The following SLAIN2 variants were observed in gnomAD, a reference collection of about 807,000 sequenced individuals.
SLAIN2 encodes SLAIN family member 2.
A neutral mutation model predicts 56.6 loss-of-function variants in SLAIN2; 31 were observed. The ratio of observed to expected loss-of-function variants is 0.55; its 90% confidence interval spans 0.41 to 0.74. The LOEUF is 0.74. SLAIN2 is among the 30% of genes least tolerant of loss of function. The pLI is 0.00. For missense variants in SLAIN2, 777 were observed against 754.2 expected (o/e 1.03, Z -0.35); for synonymous variants, 317 against 284.9 (o/e 1.11, Z -1.13).
chr4:48,420,610 A>G lies in SLAIN2; in HGVS notation c.1679+167A>G, dbSNP rs1279634940. ...AACTTTACTACATTGTTTTTAAGAAATCCTCATTTGGGACTTTTACCAGTT... is the reference window on the plus strand; with the variant it reads ...AACTTTACTACATTGTTTTTAAGAAGTCCTCATTTGGGACTTTTACCAGTT... On this transcript the variant is annotated intron_variant, in intron 7 of 7. Transcript: ENST00000264313. 10 of 828,522 alleles carry G rather than the reference A, an allele frequency of 1.2e-5. No homozygotes were observed. The South Asian group carries it at 1.3e-4, about 11-fold the overall frequency. 51.3% of individuals were successfully genotyped at this position (828,522 alleles called of 1,614,324 possible).
intron 6 of SLAIN2, among the ~76,000 whole-genome samples, chr4:48,407,484 T>C (rs1716728365): frequency 6.6e-6 from 1 of 152,200 alleles, no homozygotes; most frequent in African/African-American, 2.4e-5. Flanking sequence ...GAAGAGTTAC[T>C]CTACTCCTTA....
rs554100833 is a variant in SLAIN2 at position 48,425,959 on chromosome 4, A to T, written c.*3882A>T. 1 of 152,314 alleles carries T rather than the reference A, an allele frequency of 6.6e-6. No individual in the cohort carries two copies. The highest frequency in any genetic ancestry group is 6.5e-5 in the Admixed American group (1 of 15,302). 9.4% of individuals were successfully genotyped at this position (152,314 alleles called of 1,614,324 possible). A position where few individuals can be genotyped will look rare whatever the true frequency, so the allele number is the denominator to read the frequency against. On this transcript the variant is annotated 3_prime_UTR_variant, in exon 8 of 8. Transcript: ENST00000264313. ...TAAGTCATCTTAATGTTTTCTCTTT[A>T]AAAGAAATAAAAAAATCTGTTTCTT...
chr4:48,367,631 G>A (rs1162965917), intron 1 of SLAIN2, among the ~76,000 whole-genome samples: 4 of 152,028 alleles, frequency 2.6e-5, no homozygotes, highest in African/African-American at 9.7e-5. Flanking sequence ...GGATTTGGGG[G>A]TGGGGGGGCA....
intron 4 of SLAIN2, 79 bp from the exon 5 acceptor site, chr4:48,382,489 A>T: frequency 7.4e-7 from 1 of 1,346,300 alleles, no homozygotes; most frequent in Non-Finnish European, 9.7e-7. Flanking sequence ...TTTTTCAGTG[A>T]TAATCTTTTA....
chr4:48,370,639 T>C (rs1212835281), intron 2 of SLAIN2, among the ~76,000 whole-genome samples: 2 of 152,266 alleles, frequency 1.3e-5, no homozygotes, highest in Non-Finnish European at 2.9e-5. Flanking sequence ...TTCACAAAGC[T>C]GACAAAATGT....
chr4:48,371,399 G>T (rs1715660791), intron 2 of SLAIN2, among the ~76,000 whole-genome samples: 1 of 152,060 alleles, frequency 6.6e-6, no homozygotes. Context: ...AAAAGCAATA[G>T]CCTTTATGTG....
intron 1 of SLAIN2, among the ~76,000 whole-genome samples, chr4:48,363,934 C>A (rs1234879868): frequency 4.0e-5 from 5 of 125,128 alleles, no homozygotes; most frequent in Admixed American, 7.5e-5. Context: ...CTGACCCCCC[C>A]ACCTCCCTCC....
intron 2 of SLAIN2, among the ~76,000 whole-genome samples, chr4:48,376,444 CTT>C (rs1715813065): frequency 9.8e-6 from 1 of 101,916 alleles, no homozygotes; most frequent in Admixed American, 1.2e-4. Flanking sequence ...GACAGCAAAA[CTT>C]TGTCTCAGAG....
At position 48,342,029 on chromosome 4, in the gene SLAIN2, T is replaced by G; in HGVS notation, c.290T>G (p.Leu97Trp). 1 of 1,407,866 alleles carries G rather than the reference T, an allele frequency of 7.1e-7. No homozygotes were observed. Among genetic ancestry groups the G allele is most frequent in the Non-Finnish European group, 9.2e-7 (1 of 1,086,612 alleles). 87.2% of individuals were successfully genotyped at this position (1,407,866 alleles called of 1,614,324 possible). A position where few individuals can be genotyped will look rare whatever the true frequency, so the allele number is the denominator to read the frequency against. Residue 97 changes from leucine to tryptophan, a missense_variant, in exon 1 of 8, where the codon TTG becomes TGG. Transcript: ENST00000264313. ...SSEELRDATS[L>W]LAAGEGGLLD... ...GAAGAGCTGCGGGACGCCACCTCCT[T>G]GCTAGCGGCGGGCGAGGGCGGCTTG...
chr4:48,354,687 A>G (rs955038076), intron 1 of SLAIN2, among the ~76,000 whole-genome samples: 5 of 151,896 alleles, frequency 3.3e-5, no homozygotes, highest in Non-Finnish European at 1.5e-5. Flanking sequence ...GGCTGGTCTC[A>G]TCCGGACCTC....
rs1714701306 is a variant in SLAIN2 at position 48,341,639 on chromosome 4, T to C, written c.-101T>C. ...CCTGGTCCTGCTATATGCCGGCGCC[T>C]CGGCTAGAGTGAGCGGCGGCGACGC... On this transcript the variant is annotated 5_prime_UTR_variant, in exon 1 of 8. Coordinates refer to ENST00000264313, the MANE Select transcript of SLAIN2 (RefSeq NM_020846.2). 1 of 1,445,030 alleles carries C rather than the reference T, an allele frequency of 6.9e-7. No homozygotes were observed. The highest frequency in any genetic ancestry group is 2.7e-5 in the Admixed American group (1 of 37,102). 89.5% of individuals were successfully genotyped at this position (1,445,030 alleles called of 1,614,324 possible).
intron 6 of SLAIN2, among the ~76,000 whole-genome samples, chr4:48,414,120 T>TA (rs1560466284): frequency 6.6e-6 from 1 of 152,214 alleles, no homozygotes; most frequent in Non-Finnish European, 1.5e-5. Flanking sequence ...TTTTTATAAA[T>TA]AGAGTTCTAA....
Position 48,378,018 on chromosome 4 carries a change from C to T in SLAIN2, c.661C>T (p.Arg221Ter). The part of the protein sequence containing the change: ...GFNSPSSTPV[R>*]PPIVKQLILP... Reference sequence around the variant, plus strand: ...CAATTCTCCATCCTCAACCCCAGTGCGACCTCCTATAGTCAAACAGCTTAT... The same window carrying T: ...CAATTCTCCATCCTCAACCCCAGTGTGACCTCCTATAGTCAAACAGCTTAT... Residue 221 changes from arginine (R) to a stop codon, truncating the protein, a stop_gained, in exon 3 of 8, where the codon CGA becomes TGA. Transcript: ENST00000264313. LOFTEE classifies it high-confidence loss of function. The T allele has an allele frequency of 1.2e-6, 2 of 1,613,864 alleles. No homozygotes were observed. The highest frequency in any genetic ancestry group is 1.7e-6 in the Non-Finnish European group (2 of 1,179,836).
At chr4:48,399,912 A>G (rs748187289) in intron 6 of SLAIN2, among the ~76,000 whole-genome samples, 1 of 152,096 alleles carries the variant, frequency 6.6e-6, no homozygotes, top group Non-Finnish European at 1.5e-5. Context: ...TGCCAGTATT[A>G]TATTGAGGAT....
At chr4:48,372,051 CATAT>C (rs35913175) in intron 2 of SLAIN2, among the ~76,000 whole-genome samples, 114 of 147,734 alleles carry the variant, frequency 7.7e-4, no homozygotes, top group African/African-American at 2.5e-3. Context: ...TACATATATA[CATAT>C]ATATATATAC....
chr4:48,348,164 A>G (rs995086693), intron 1 of SLAIN2, among the ~76,000 whole-genome samples: 1 of 152,216 alleles, frequency 6.6e-6, no homozygotes. Context: ...CGCTAGACTA[A>G]TAGGTGTAAA....
At chr4:48,396,412 A>C (rs1716389218) in intron 6 of SLAIN2, among the ~76,000 whole-genome samples, 1 of 152,202 alleles carries the variant, frequency 6.6e-6, no homozygotes, top group Non-Finnish European at 1.5e-5. Context: ...TAAATTTTTA[A>C]CCAGTTGAGA....
Position 48,360,153 on chromosome 4 carries a change from CA to C in SLAIN2, c.390-9681del, listed in dbSNP as rs34874508. ...TGGGTGGCAGAGCGAGACTCTGTCT[CA>C]AAAAAAAAAAAAAATAGTGGTTAGT... On this transcript the variant is annotated intron_variant, in intron 1 of 7. Transcript: ENST00000264313. 3.9e-3 allele frequency among the ~76,000 whole-genome samples: 472 copies of C among 119,574 alleles called. 1 individual carries two copies. The highest frequency in any genetic ancestry group is 0.029 in the East Asian group (116 of 4,028). The allele number at this position is 119,574 out of a possible 152,430, so 78.4% of individuals were successfully genotyped here.
intron 1 of SLAIN2, 86 bp downstream of exon 1, chr4:48,342,214 C>G: frequency 7.6e-7 from 1 of 1,318,458 alleles, no homozygotes; most frequent in Non-Finnish European, 9.7e-7. Flanking sequence ...GGTCGGGCGC[C>G]TCGCTTTGTG....
Sources: allele counts gnomAD v4.1 joint callset (sites outside exome capture counted in the v4.1 genomes callset), GRCh38; gene constraint gnomAD v4.1.1; transcripts MANE v1.5; gene names NCBI Gene and HGNC (gene_info 2026-07-23, HGNC 2026-07-21).